CAD: variants seen among roughly 807,000 people sequenced by gnomAD.
CAD encodes carbamoyl-phosphate synthetase 2, aspartate transcarbamylase, and dihydroorotase, also known as multifunctional protein CAD.
CAD carries 81 observed loss-of-function variants against 237.2 expected under a neutral mutation model. The observed-to-expected ratio is 0.34, with a 90% confidence interval of 0.29 to 0.41. The LOEUF (loss-of-function observed/expected upper bound fraction) is 0.41. CAD is among the 10% of genes least tolerant of loss of function. The pLI, the probability that CAD is intolerant of heterozygous loss-of-function variation, is 1.00. For synonymous variants in CAD, 1,196 were observed against 1,162.8 expected, an observed-to-expected ratio of 1.03 and a Z score of -0.58; for missense variants, 2,181 against 2,951.7, an observed-to-expected ratio of 0.74 and a Z score of 6.05.
chr2:27,236,213 C>A lies in CAD; in HGVS notation c.4075-71C>A. The A allele has an allele frequency of 6.4e-7, 1 of 1,573,126 alleles. No individual in the cohort carries two copies. The highest frequency in any genetic ancestry group is 8.6e-7 in the Non-Finnish European group (1 of 1,158,452). On this transcript the variant is annotated intron_variant, in intron 25 of 43. Coordinates refer to ENST00000264705, the MANE Select transcript of CAD (RefSeq NM_004341.5). This position sits in a 1 kb window ranked among gnomAD's most constrained non-coding sequence, Gnocchi z 4.1. ...TCATCATGGGCTCCTGGGCCAGCTCCTCTCCCTTAAGGCTAGCCTTCCTGA... is the reference window on the plus strand; with the variant it reads ...TCATCATGGGCTCCTGGGCCAGCTCATCTCCCTTAAGGCTAGCCTTCCTGA...
Position 27,233,992 on chromosome 2 carries a change from T to G in CAD, c.3400-16T>G, listed in dbSNP as rs776300681. On this transcript the variant is annotated splice_polypyrimidine_tract_variant and intron_variant, in intron 21 of 43. Coordinates refer to ENST00000264705, the MANE Select transcript of CAD (RefSeq NM_004341.5). This position sits in a 1 kb window ranked among gnomAD's most constrained non-coding sequence, Gnocchi z 6.3. The stretch of plus-strand genomic sequence containing the variant: ...GAAAGTGGCCCTATGTCCCACTGTC[T>G]GTGTCCCCCCGCTAGGAGATTGACG... 1.7e-5 allele frequency: 27 copies of G among 1,611,194 alleles called. No homozygotes were observed. Among genetic ancestry groups the G allele is most frequent in the Non-Finnish European group, 2.3e-5 (27 of 1,178,238 alleles).
At position 27,232,475 on chromosome 2, in the gene CAD, T is replaced by G. The variant is rs1675808623; in HGVS notation, c.2673T>G (p.Arg891=). 2 of 1,614,246 alleles carry G rather than the reference T, an allele frequency of 1.2e-6. No homozygotes were observed. Among genetic ancestry groups the G allele is most frequent in the African/African-American group, 1.3e-5 (1 of 75,052 alleles). The part of the protein sequence containing the change: ...LSTELAVRKL[R]QELGICPAVK... ...CAGAGCTGGCTGTTCGCAAGCTGCG[T>G]CAGGAACTGGGGATCTGTCCAGCAG... The change falls in exon 18 of 44, where the codon CGT becomes CGG. Residue 891 remains arginine (R), a synonymous_variant. Transcript: ENST00000264705. This position sits in a 1 kb window ranked among gnomAD's most constrained non-coding sequence, Gnocchi z 4.1.
In CAD at chr2:27,222,233, A is replaced by T. The variant is rs1048689342; in HGVS notation, c.392A>T (p.Gln131Leu). ...GAGCTGACCAAGAAGTTGCGGGAAC[A>T]GGGGTCTCTGCTGGGGAAGCTGGTC... ...TRELTKKLRE[Q>L]GSLLGKLVQN... is the part of the protein sequence containing the mutation. The change falls in exon 4 of 44, where the codon CAG (glutamine) becomes CTG (leucine). Residue 131 changes from glutamine (Q) to leucine (L), a missense_variant. Transcript: ENST00000264705. 3.1e-6 allele frequency: 5 copies of T among 1,613,988 alleles called. No individual in the cohort carries two copies. In the African/African-American group the frequency reaches 6.7e-5, roughly 22 times the overall value.
intron 3 of CAD, among the ~76,000 whole-genome samples, 157 bp from the exon 4 acceptor site, chr2:27,222,037 A>T (rs549381435): frequency 1.6e-3 from 249 of 151,768 alleles, no homozygotes; most frequent in African/African-American, 5.8e-3. Context: ...GGAATACTTC[A>T]TGGTAGTATA....
At position 27,240,170 on chromosome 2, in the gene CAD, G is replaced by A; in HGVS notation, c.5497-95G>A. On this transcript the variant is annotated intron_variant, in intron 34 of 43. Transcript: ENST00000264705. The surrounding 1 kb of genome is among the most constrained non-coding windows in gnomAD (Gnocchi z 4.6). Reference sequence around the variant, plus strand: ...GCAGGAGAATTGCTTGAACCCAGAAGGTCACGCCACTGCACTCCAGCCTGA... The same window carrying A: ...GCAGGAGAATTGCTTGAACCCAGAAAGTCACGCCACTGCACTCCAGCCTGA... The A allele has an allele frequency of 9.9e-7, 1 of 1,010,574 alleles. No individual in the cohort carries two copies. The highest frequency in any genetic ancestry group is 1.5e-6 in the Non-Finnish European group (1 of 659,678). 62.6% of individuals were successfully genotyped at this position (1,010,574 alleles called of 1,614,324 possible).
chr2:27,222,450 G>A, intron 4 of CAD, 69 bp from the exon 5 acceptor site: 1 of 1,519,820 alleles, frequency 6.6e-7, no homozygotes, highest in Non-Finnish European at 9.1e-7. Flanking sequence ...GGTAGGAGTT[G>A]GTGCAGGCAT....
Position 27,241,032 on chromosome 2 carries a change from C to A in CAD, c.5639-26C>A, listed in dbSNP as rs1308926265. 6.2e-7 allele frequency: 1 copy of A among 1,613,376 alleles called. No homozygotes were observed. The highest frequency in any genetic ancestry group is 2.2e-5 in the East Asian group (1 of 44,836). Reference sequence around the variant, plus strand: ...TGGTAGGAGGAACCCTCTGACCAGCCTTTTCTGCCCCATCCCTCACTGCAG... The same window carrying A: ...TGGTAGGAGGAACCCTCTGACCAGCATTTTCTGCCCCATCCCTCACTGCAG... On this transcript the variant is annotated intron_variant, in intron 36 of 43. Coordinates refer to ENST00000264705, the MANE Select transcript of CAD (RefSeq NM_004341.5). This position sits in a 1 kb window ranked among gnomAD's most constrained non-coding sequence, Gnocchi z 4.6.
intron 15 of CAD, among the ~76,000 whole-genome samples, chr2:27,227,261 C>CATCAGAGCAGG (rs1404268877): frequency 7.2e-5 from 11 of 152,104 alleles, no homozygotes; most frequent in Non-Finnish European, 1.5e-4. Context: ...ATGATGTTTA[C>CATCAGAGCAGG]ATCAGAGCAG....
intron 6 of CAD, among the ~76,000 whole-genome samples, chr2:27,223,284 G>A (rs1176274931): frequency 1.3e-5 from 2 of 152,006 alleles, no homozygotes; most frequent in African/African-American, 4.8e-5. Flanking sequence ...TACAAAAGTT[G>A]GCCAGCCATG....
chr2:27,230,713 G>A (rs568358234), intron 15 of CAD, among the ~76,000 whole-genome samples: 1 of 152,062 alleles, frequency 6.6e-6, no homozygotes, highest in African/African-American at 2.4e-5. Flanking sequence ...GCTCTGCATG[G>A]ATGAGTAGTA....
intron 2 of CAD, 50 bp downstream of exon 2, chr2:27,218,066 T>G (rs779679748): frequency 6.6e-7 from 1 of 1,521,462 alleles, no homozygotes; most frequent in Admixed American, 2.1e-5. Context: ...TCAGTAATTG[T>G]TAACTATTAG....
chr2:27,241,406 A>AGGGCCG lies in CAD; in HGVS notation c.5883+14_5883+19dup. 1.2e-5 allele frequency: 19 copies of AGGGCCG among 1,613,604 alleles called. No individual in the cohort carries two copies. The highest frequency in any genetic ancestry group is 1.6e-5 in the Non-Finnish European group (19 of 1,179,474). ...CCTCGACATCCTGAAGGTCAGGATC[A>AGGGCCG]GGGCCGGGGGTAGGGTCCAGGCCAT... is the stretch of plus-strand genomic sequence containing the variant. On this transcript the variant is annotated intron_variant, in intron 38 of 43. Coordinates refer to ENST00000264705, the MANE Select transcript of CAD (RefSeq NM_004341.5). This position sits in a 1 kb window ranked among gnomAD's most constrained non-coding sequence, Gnocchi z 4.6.
Position 27,235,777 on chromosome 2 carries a change from A to G in CAD, c.4074+137A>G. 1 of 692,472 alleles carries G rather than the reference A, an allele frequency of 1.4e-6. No individual in the cohort carries two copies. Among genetic ancestry groups the G allele is most frequent in the South Asian group, 1.8e-5 (1 of 54,152 alleles). The allele number at this position is 692,472 out of a possible 1,614,324, so 42.9% of individuals were successfully genotyped here. The stretch of plus-strand genomic sequence containing the variant: ...ATACTCAGGAGGCTAAGGCAGGAGA[A>G]TCTCTTGAGCCCAGGAGGTAGAGGC... On this transcript the variant is annotated intron_variant, in intron 25 of 43. Transcript: ENST00000264705. This position sits in a 1 kb window ranked among gnomAD's most constrained non-coding sequence, Gnocchi z 5.2.
Position 27,241,526 on chromosome 2 carries a change from C to T in CAD, c.5883+130C>T. ...CCCGTCCCCTTATGCTAGTCCATCC[C>T]TCTGCTGCTGTAGATCTTCCCCCAC... On this transcript the variant is annotated intron_variant, in intron 38 of 43. Transcript: ENST00000264705. This position sits in a 1 kb window ranked among gnomAD's most constrained non-coding sequence, Gnocchi z 4.6. 2.3e-6 allele frequency: 2 copies of T among 868,752 alleles called. No individual in the cohort carries two copies. Among genetic ancestry groups the T allele is most frequent in the Non-Finnish European group, 3.7e-6 (2 of 536,260 alleles). 53.8% of individuals were successfully genotyped at this position (868,752 alleles called of 1,614,324 possible). A position where few individuals can be genotyped will look rare whatever the true frequency, so the allele number is the denominator to read the frequency against.
In CAD at chr2:27,217,865, T is replaced by G. The variant is rs773704987; in HGVS notation, c.83-12T>G. On this transcript the variant is annotated splice_polypyrimidine_tract_variant and intron_variant, in intron 1 of 43. Coordinates refer to ENST00000264705, the MANE Select transcript of CAD (RefSeq NM_004341.5). ...TGCCCTACCGGAGCCCAGCCCTGCT[T>G]CTTTCTTGCAGTGTTTCAAACCGGC... The G allele has an allele frequency of 3.1e-6, 5 of 1,589,702 alleles. No homozygotes were observed. The South Asian group carries it at 5.7e-5, about 18-fold the overall frequency.
chr2:27,235,458 C>A lies in CAD; in HGVS notation c.3969+31C>A. 1 of 1,607,904 alleles carries A rather than the reference C, an allele frequency of 6.2e-7. No individual in the cohort carries two copies. The highest frequency in any genetic ancestry group is 8.5e-7 in the Non-Finnish European group (1 of 1,175,552). On this transcript the variant is annotated intron_variant, in intron 24 of 43. Transcript: ENST00000264705. This position sits in a 1 kb window ranked among gnomAD's most constrained non-coding sequence, Gnocchi z 5.2. The stretch of plus-strand genomic sequence containing the variant: ...AGAATCCAGGAGGGCTTCCCGAGGG[C>A]CGTGGCTCCCTGGGCCAGGGCTGAC...
intron 3 of CAD, among the ~76,000 whole-genome samples, chr2:27,221,620 ATCATT>A (rs1356046323): frequency 6.6e-6 from 1 of 152,184 alleles, no homozygotes; most frequent in Non-Finnish European, 1.5e-5. Context: ...CAGACATCAT[ATCATT>A]TCATCTACAA....
In CAD at chr2:27,232,080, G is replaced by A. The variant is rs761503191; in HGVS notation, c.2501G>A (p.Arg834His). ...DRLYELTRIDRWFLHRMKRII... is the reference protein window; with the variant it reads ...DRLYELTRIDHWFLHRMKRII... ...CTGTATGAGCTCACACGCATCGACC[G>A]CTGGTTCCTGCACCGAATGAAGCGT... The change falls in exon 17 of 44, where the codon CGC becomes CAC. Residue 834 changes from arginine (R) to histidine (H), a missense_variant. This residue lies in a region of CAD where 385 missense variants were observed against 535.1 expected (regional missense o/e 0.72). Transcript: ENST00000264705. The surrounding 1 kb of genome is among the most constrained non-coding windows in gnomAD (Gnocchi z 4.1). The A allele has an allele frequency of 9.9e-6, 16 of 1,614,110 alleles. No homozygotes were observed. Among genetic ancestry groups the A allele is most frequent in the East Asian group, 2.2e-5 (1 of 44,898 alleles).
Position 27,233,280 on chromosome 2 carries a change from T to C in CAD, c.2992-32T>C, listed in dbSNP as rs764265312. On this transcript the variant is annotated intron_variant, in intron 19 of 43. Coordinates refer to ENST00000264705, the MANE Select transcript of CAD (RefSeq NM_004341.5). The surrounding 1 kb of genome is among the most constrained non-coding windows in gnomAD (Gnocchi z 6.3). ...GGCTCAGATTCCTGCCCTCTTTTGC[T>C]GCCACCACTTGTTTCTCCCCCTGCA... 1.3e-6 allele frequency: 2 copies of C among 1,588,692 alleles called. No homozygotes were observed. The highest frequency in any genetic ancestry group is 2.2e-5 in the South Asian group (2 of 90,458).
Sources: allele counts gnomAD v4.1 joint callset (sites outside exome capture counted in the v4.1 genomes callset), GRCh38; gene constraint gnomAD v4.1.1; regional missense constraint gnomAD v4.1.1; non-coding constraint Gnocchi (gnomAD v3.1); transcripts MANE v1.5; gene names NCBI Gene and HGNC (gene_info 2026-07-23, HGNC 2026-07-21).